Variants in SLC43A3 observed in about 807,000 individuals in gnomAD.
The protein encoded by SLC43A3 is equilibrative nucleobase transporter 1.
In SLC43A3, 33 loss-of-function variants were observed where a neutral mutation model predicts 53.3. The observed-to-expected ratio is 0.62, with a 90% CI of 0.47 to 0.83. The LOEUF (loss-of-function observed/expected upper bound fraction) is 0.83. Among genes scored for constraint, SLC43A3 ranks in the 40% least tolerant of loss-of-function variants. SLC43A3 has a pLI of 0.00. For missense variants in SLC43A3, 530 were observed against 610.0 expected (o/e 0.87, Z 1.38); for synonymous variants, 236 against 246.2 (o/e 0.96, Z 0.39).
At chr11:57,413,328 T>C (rs1209554247) in intron 11 of SLC43A3, among the ~76,000 whole-genome samples, 1 of 152,132 alleles carries the variant, frequency 6.6e-6, no homozygotes, top group Non-Finnish European at 1.5e-5. Flanking sequence ...ACAAACCAAC[T>C]GTAAAAGGAT....
At position 57,426,145 on chromosome 11, in the gene SLC43A3, C is replaced by G. The variant is rs1943191479; in HGVS notation, c.28G>C (p.Val10Leu). Residue 10 changes from valine to leucine, a missense_variant, in exon 3 of 14, where the codon GTG (valine) becomes CTG (leucine). Physicochemically the swap from Val to Leu is conservative, Grantham distance 32 (BLOSUM62 1). This residue lies in a region of SLC43A3 where 30 missense variants were observed against 57.0 expected (regional missense o/e 0.53). Transcript: ENST00000395124. The part of the protein sequence containing the change: MAGQGLPLH[V>L]ATLLTGLLEC... ...AGCAGCCCAGTCAGCAGTGTGGCCA[C>G]GTGCAGGGGCAGGCCCTGGCCCGCC... The G allele has an allele frequency of 6.2e-7, 1 of 1,614,018 alleles. No homozygotes were observed. Among genetic ancestry groups the G allele is most frequent in the African/African-American group, 1.3e-5 (1 of 74,948 alleles).
At chr11:57,421,169 C>T in intron 6 of SLC43A3, 105 bp from the exon 7 acceptor site, 2 of 1,201,482 alleles carry the variant, frequency 1.7e-6, no homozygotes, top group African/African-American at 1.5e-5. Context: ...ACTCACCCTC[C>T]ACCGCTAGAG....
At position 57,410,031 on chromosome 11, in the gene SLC43A3, G is replaced by A. The variant is rs944208057; in HGVS notation, c.1151C>T (p.Ser384Leu). ...LLCLGFALCASVPILPLQYLT... is the reference protein window; with the variant it reads ...LLCLGFALCALVPILPLQYLT... ...GTACTGGAGAGGGAGGATGGGGACT[G>A]AGGCACAGAGGGCGAAGCCCAGGCA... The change falls in exon 12 of 14, where the codon TCA becomes TTA. Residue 384 changes from serine to leucine, a missense_variant. Ser to Leu is a moderately radical substitution (Grantham distance 145). This residue lies in a region of SLC43A3 where 124 missense variants were observed against 166.4 expected (regional missense o/e 0.75). Transcript: ENST00000395124. 1.2e-6 allele frequency: 2 copies of A among 1,613,070 alleles called. No homozygotes were observed. The highest frequency in any genetic ancestry group is 1.3e-5 in the African/African-American group (1 of 74,946).
rs1943194318 is a variant in SLC43A3, at chr11:57,426,225, AC to A, written c.-54del. The A allele has an allele frequency of 1.9e-6, 3 of 1,564,042 alleles. No individual in the cohort carries two copies. In the South Asian group the frequency reaches 3.4e-5, roughly 18 times the overall value. On this transcript the variant is annotated 5_prime_UTR_variant, in exon 3 of 14. It introduces an in-frame stop codon into an upstream open reading frame of the 5' UTR. Coordinates refer to ENST00000395124, the MANE Select transcript of SLC43A3 (RefSeq NM_199329.3). ...CCCACTTTGTCCTCCTGGACGGATC[AC>A]AGGCGCCGTAAGCCTGGCGTTTGAG... is the stretch of plus-strand genomic sequence containing the variant.
chr11:57,426,078 GA>G lies in SLC43A3; in HGVS notation c.94del (p.Ser32HisfsTer2). 6.2e-7 allele frequency: 1 copy of G among 1,614,262 alleles called. No individual in the cohort carries two copies. The highest frequency in any genetic ancestry group is 8.5e-7 in the Non-Finnish European group (1 of 1,180,046). On this transcript the variant is annotated frameshift_variant, in exon 3 of 14. Transcript: ENST00000395124. LOFTEE classifies it high-confidence loss of function. ...TTCATTCTTGAAGACAAACACTAGT[GA>G]AGGCCAGCCAAAGAGGACGCCAGCA... The part of the protein sequence containing the change: ...GFAGVLFGWP[S>X]LVFVFKNEDY...
rs1054411351 is a variant in SLC43A3, at chr11:57,407,610, G to C, written c.*182C>G. 1.8e-6 allele frequency: 1 copy of C among 562,434 alleles called. No homozygotes were observed. The highest frequency in any genetic ancestry group is 3.3e-5 in the Admixed American group (1 of 30,744). 34.8% of individuals were successfully genotyped at this position (562,434 alleles called of 1,614,324 possible). On this transcript the variant is annotated 3_prime_UTR_variant, in exon 14 of 14. Transcript: ENST00000395124. ...CTTTGAGTCTGTGTGATATCAATCT[G>C]CTTGGCAACTGAGATTCTTTTCTTG...
rs200223459 is a variant in SLC43A3 at position 57,421,335 on chromosome 11, T to C, written c.400A>G (p.Thr134Ala). 7 of 1,613,942 alleles carry C rather than the reference T, an allele frequency of 4.3e-6. No individual in the cohort carries two copies. Among genetic ancestry groups the C allele is most frequent in the Non-Finnish European group, 5.1e-6 (6 of 1,179,970 alleles). Residue 134 changes from threonine (T) to alanine (A), a missense_variant, in exon 6 of 14, where the codon ACC becomes GCC. Coordinates refer to ENST00000395124, the MANE Select transcript of SLC43A3 (RefSeq NM_199329.3). The part of the protein sequence containing the change: ...VLLFLAMPML[T>A]IGGILFLITN... ...ATGAGAAACAGGATTCCCCCAATGGTGAGCATTGGCATGGCCAGGAAGAGC... is the reference window on the plus strand; with the variant it reads ...ATGAGAAACAGGATTCCCCCAATGGCGAGCATTGGCATGGCCAGGAAGAGC...
chr11:57,418,054 G>A (rs1297090723), intron 7 of SLC43A3, among the ~76,000 whole-genome samples, 167 bp from the exon 8 acceptor site: 1 of 152,186 alleles, frequency 6.6e-6, no homozygotes, highest in Admixed American at 6.5e-5. Flanking sequence ...AAAAAGGAAA[G>A]AGGCAACCAT....
chr11:57,409,921 C>T lies in SLC43A3; in HGVS notation c.1247+14G>A. The T allele has an allele frequency of 6.2e-7, 1 of 1,600,996 alleles. No homozygotes were observed. Among genetic ancestry groups the T allele is most frequent in the Non-Finnish European group, 8.5e-7 (1 of 1,173,820 alleles). On this transcript the variant is annotated intron_variant, in intron 12 of 13. Coordinates refer to ENST00000395124, the MANE Select transcript of SLC43A3 (RefSeq NM_199329.3). ...TGTGTCCGTCTCCACAGAGCCCGCC[C>T]CAAGGCCACTTACGCAAGGGTGAGG...
intron 5 of SLC43A3, among the ~76,000 whole-genome samples, chr11:57,422,406 C>G (rs996359755): frequency 6.6e-6 from 1 of 152,168 alleles, no homozygotes; most frequent in African/African-American, 2.4e-5. Flanking sequence ...TTCATGAAAT[C>G]AGAAGGACTG....
At chr11:57,420,842 C>T (rs758050888) in intron 7 of SLC43A3, 130 bp downstream of exon 7, 4 of 660,524 alleles carry the variant, frequency 6.1e-6, no homozygotes, top group Non-Finnish European at 1.1e-5. Context: ...GACTCAAATG[C>T]TTCATCTGTA....
intron 4 of SLC43A3, among the ~76,000 whole-genome samples, chr11:57,424,664 G>A (rs575949431): frequency 6.6e-6 from 1 of 152,238 alleles, no homozygotes; most frequent in East Asian, 1.9e-4. Context: ...GGGGACAAAG[G>A]AAGGGGAGGA....
chr11:57,426,006 T>C lies in SLC43A3; in HGVS notation c.167A>G (p.Asn56Ser), dbSNP rs749871451. ...LCGPDAGPIG[N>S]ATGQADCKAQ... ...GCCCTTACCAGCCTGCCCTGTGGCA[T>C]TGCCAATCGGCCCAGCATCTGGTCC... Residue 56 changes from asparagine to serine, a missense_variant, in exon 3 of 14, where the codon AAT becomes AGT. Around this residue, in one of 3 missense-constraint regions of SLC43A3, gnomAD observed 376 missense variants for 386.7 expected, o/e 0.97. Coordinates refer to ENST00000395124, the MANE Select transcript of SLC43A3 (RefSeq NM_199329.3). The C allele has an allele frequency of 1.9e-6, 3 of 1,614,214 alleles. No homozygotes were observed. The highest frequency in any genetic ancestry group is 1.3e-5 in the African/African-American group (1 of 75,076).
chr11:57,423,937 G>C, intron 5 of SLC43A3, 45 bp downstream of exon 5: 1 of 1,592,882 alleles, frequency 6.3e-7, no homozygotes, highest in Non-Finnish European at 8.6e-7. Context: ...CAGCCACCAG[G>C]TGCCTCTGAG....
rs778980682 is a variant in SLC43A3 at position 57,415,069 on chromosome 11, G to A, written c.807C>T (p.Ser269=). 6.2e-7 allele frequency: 1 copy of A among 1,613,798 alleles called. No homozygotes were observed. The highest frequency in any genetic ancestry group is 2.2e-5 in the East Asian group (1 of 44,876). The part of the protein sequence containing the change: ...PGAGQKQELR[S]FWSYAFSRRF... ...GCCGAGAGAAAGCGTAGCTCCAGAA[G>A]GAGCGGAGTTCCTGCTTCTGCCCTG... The change falls in exon 10 of 14, where the codon TCC becomes TCT. Residue 269 remains serine, a synonymous_variant. Transcript: ENST00000395124.
In SLC43A3 at chr11:57,426,270, G is replaced by A; in HGVS notation, c.-98C>T. ...GTTTGAGCACTTGGAAAATTCCTCTGGCAAGCCAAGCCCTTCCTTTCCCGT... is the reference window on the plus strand; with the variant it reads ...GTTTGAGCACTTGGAAAATTCCTCTAGCAAGCCAAGCCCTTCCTTTCCCGT... On this transcript the variant is annotated 5_prime_UTR_variant, in exon 3 of 14. Coordinates refer to ENST00000395124, the MANE Select transcript of SLC43A3 (RefSeq NM_199329.3). 8.4e-7 allele frequency: 1 copy of A among 1,192,330 alleles called. No individual in the cohort carries two copies. Among genetic ancestry groups the A allele is most frequent in the Non-Finnish European group, 1.2e-6 (1 of 845,122 alleles). 73.9% of individuals were successfully genotyped at this position (1,192,330 alleles called of 1,614,324 possible).
In SLC43A3 at chr11:57,414,688, CACTCCGA is replaced by C; in HGVS notation, c.980_986del (p.Phe327CysfsTer43). On this transcript the variant is annotated frameshift_variant, in exon 11 of 14. Coordinates refer to ENST00000395124, the MANE Select transcript of SLC43A3 (RefSeq NM_199329.3). LOFTEE classifies it high-confidence loss of function. The stretch of plus-strand genomic sequence containing the variant: ...GCAGGCCATTCCAGGGGGCACACAG[CACTCCGA>C]ACTGAGTGAAGGCAAAGGCATTTGT... 6.2e-7 allele frequency: 1 copy of C among 1,614,084 alleles called. No homozygotes were observed. Among genetic ancestry groups the C allele is most frequent in the Non-Finnish European group, 8.5e-7 (1 of 1,180,008 alleles).
intron 11 of SLC43A3, among the ~76,000 whole-genome samples, chr11:57,414,227 A>G (rs1389263030): frequency 6.6e-6 from 1 of 152,190 alleles, no homozygotes; most frequent in East Asian, 1.9e-4. Flanking sequence ...AACAAAAGAG[A>G]AGACCAGGCA....
intron 4 of SLC43A3, among the ~76,000 whole-genome samples, chr11:57,424,981 C>G (rs1352502397): frequency 2.6e-5 from 4 of 152,164 alleles, no homozygotes; most frequent in Non-Finnish European, 5.9e-5. Flanking sequence ...CTCATCTGCA[C>G]AGGAAACCCC....
Sources: allele counts gnomAD v4.1 joint callset (sites outside exome capture counted in the v4.1 genomes callset), GRCh38; gene constraint gnomAD v4.1.1; regional missense constraint gnomAD v4.1.1; transcripts MANE v1.5; gene names NCBI Gene and HGNC (gene_info 2026-07-23, HGNC 2026-07-21).